Variants in ADCY9 observed in about 807,000 individuals in gnomAD.
ADCY9 encodes the protein adenylate cyclase type 9.
Under a neutral mutation model 101.5 loss-of-function variants are expected in ADCY9, and 50 were observed. That is an observed-to-expected ratio of 0.49 (90% CI 0.39 to 0.62). The LOEUF (loss-of-function observed/expected upper bound fraction) is 0.62. Among genes scored for constraint, ADCY9 ranks in the 20% least tolerant of loss-of-function variants. The probability of loss-of-function intolerance (pLI) is 0.00; values close to 1 mark genes in which losing one functional copy is unlikely to be tolerated. For missense variants in ADCY9, 1,662 were observed against 1,800.4 expected (o/e 0.92, Z 1.39); for synonymous variants, 905 against 769.3 (o/e 1.18, Z -2.92).
chr16:3,960,531 A>G (rs1233851652), downstream of ADCY9, among the ~76,000 whole-genome samples: 1 of 152,174 alleles, frequency 6.6e-6, no homozygotes, highest in Non-Finnish European at 1.5e-5. Context: ...CAAAAAAACC[A>G]AGCAACGAAA....
intron 3 of ADCY9, among the ~76,000 whole-genome samples, chr16:4,002,905 G>A (rs1454771763): frequency 1.3e-5 from 2 of 152,132 alleles, no homozygotes. Flanking sequence ...TAGTAGAGAT[G>A]GGGTTTCACC....
intron 2 of ADCY9, among the ~76,000 whole-genome samples, chr16:4,013,437 A>G (rs1235695449): frequency 6.6e-6 from 1 of 152,126 alleles, no homozygotes; most frequent in African/African-American, 2.4e-5. Flanking sequence ...AGAAAAAAAA[A>G]TTAAAAGAAA....
intron 2 of ADCY9, among the ~76,000 whole-genome samples, chr16:4,092,607 A>G (rs570220297): frequency 3.3e-5 from 5 of 152,304 alleles, no homozygotes; most frequent in African/African-American, 9.6e-5. Flanking sequence ...AACGTGTCCT[A>G]TTTAATAAGA....
At chr16:4,098,843 G>C (rs1368566009) in intron 2 of ADCY9, among the ~76,000 whole-genome samples, 18 of 152,058 alleles carry the variant, frequency 1.2e-4, no homozygotes. Flanking sequence ...CTGGGGGATG[G>C]AGTTTGCTGC....
At chr16:4,052,498 G>T (rs1175432836) in intron 2 of ADCY9, among the ~76,000 whole-genome samples, 1 of 152,200 alleles carries the variant, frequency 6.6e-6, no homozygotes, top group African/African-American at 2.4e-5. Flanking sequence ...ATGTCGGAAT[G>T]TTAATTCAGG....
rs1344439158 is a variant in ADCY9 at position 4,114,718 on chromosome 16, A to G, written c.725T>C (p.Leu242Ser). The G allele has an allele frequency of 6.2e-7, 1 of 1,613,164 alleles. No homozygotes were observed. The highest frequency in any genetic ancestry group is 1.1e-5 in the South Asian group (1 of 91,088). ...FLLYTVMHLP[L>S]YLSLCLGVAY... ...CACCCCCAGACACAAACTCAGGTACAAAGGTAAGTGCATGACGGTATAGAG... is the reference window on the plus strand; with the variant it reads ...CACCCCCAGACACAAACTCAGGTACGAAGGTAAGTGCATGACGGTATAGAG... The change falls in exon 2 of 11, where the codon TTG (leucine) becomes TCG (serine). Residue 242 changes from leucine (L) to serine (S), a missense_variant. Coordinates refer to ENST00000294016, the MANE Select transcript of ADCY9 (RefSeq NM_001116.4). The surrounding 1 kb of genome is among the most constrained non-coding windows in gnomAD (Gnocchi z 4.3).
At chr16:3,978,331 C>T (rs1233128145) in intron 8 of ADCY9, among the ~76,000 whole-genome samples, 1 of 131,384 alleles carries the variant, frequency 7.6e-6, no homozygotes, top group East Asian at 3.1e-4. Context: ...ACACCATCAG[C>T]CCGCCCGGAA....
chr16:3,963,417 C>A lies in ADCY9; in HGVS notation c.*2358G>T. The A allele has an allele frequency of 2.5e-6, 1 of 398,426 alleles. No individual in the cohort carries two copies. The allele number at this position is 398,426 out of a possible 1,614,324, so 24.7% of individuals were successfully genotyped here. A position where few individuals can be genotyped will look rare whatever the true frequency, so the allele number is the denominator to read the frequency against. ...TGTGGTTCTGCACTGAGGTATGCAT[C>A]GGAGCAGGGGACGGGGAGGACCCGA... On this transcript the variant is annotated 3_prime_UTR_variant, in exon 11 of 11. Coordinates refer to ENST00000294016, the MANE Select transcript of ADCY9 (RefSeq NM_001116.4).
exon 6 of ADCY9, chr16:3,953,413 GTTT>G (rs2055891895): frequency 6.6e-6 from 1 of 152,272 alleles, no homozygotes; most frequent in East Asian, 1.9e-4. Context: ...AGCATAAGCA[GTTT>G]TTAATTTTTT....
chr16:3,967,548 C>T (rs1215956836), intron 10 of ADCY9, among the ~76,000 whole-genome samples: 1 of 151,766 alleles, frequency 6.6e-6, no homozygotes, highest in African/African-American at 2.4e-5. Flanking sequence ...TACCACCACA[C>T]CTAGCTAATT....
chr16:4,066,746 G>GA (rs892076625), intron 2 of ADCY9, among the ~76,000 whole-genome samples: 3 of 151,442 alleles, frequency 2.0e-5, no homozygotes, highest in East Asian at 3.9e-4. Flanking sequence ...TGAGATCCAT[G>GA]AAAAAAAAGT....
At chr16:4,001,137 C>T (rs1033670678) in intron 3 of ADCY9, among the ~76,000 whole-genome samples, 7 of 152,140 alleles carry the variant, frequency 4.6e-5, no homozygotes, top group Admixed American at 1.3e-4. Context: ...CTCATGCTGG[C>T]GCGATACCGT....
intron 2 of ADCY9, among the ~76,000 whole-genome samples, chr16:4,091,682 T>C (rs531213714): frequency 1.9e-4 from 29 of 152,188 alleles, no homozygotes; most frequent in Non-Finnish European, 2.6e-4. Flanking sequence ...CTTGGAAACA[T>C]GCTGAGCGAG....
At chr16:4,047,429 T>G (rs2056672546) in intron 2 of ADCY9, among the ~76,000 whole-genome samples, 1 of 149,912 alleles carries the variant, frequency 6.7e-6, no homozygotes, top group Non-Finnish European at 1.5e-5. Flanking sequence ...GTTTCTCTAG[T>G]TAAGGGCCTG....
At chr16:4,072,836 T>C (rs189762597) in intron 2 of ADCY9, among the ~76,000 whole-genome samples, 4 of 151,550 alleles carry the variant, frequency 2.6e-5, no homozygotes, top group East Asian at 1.9e-4. Flanking sequence ...ACAGTGGGAA[T>C]TGGGAAACAT....
intron 6 of ADCY9, among the ~76,000 whole-genome samples, chr16:3,984,960 AG>A (rs577958749): frequency 2.6e-3 from 394 of 152,310 alleles, no homozygotes; most frequent in Non-Finnish European, 4.8e-3. Flanking sequence ...CAAGGCTGCC[AG>A]TCAGCCCTGA....
chr16:4,010,039 T>A (rs1308932642), intron 2 of ADCY9, among the ~76,000 whole-genome samples: 1 of 152,268 alleles, frequency 6.6e-6, no homozygotes, highest in East Asian at 1.9e-4. Flanking sequence ...GGAGGGACAT[T>A]TTTTTGATGG....
In ADCY9 at chr16:3,993,497, C is replaced by A; in HGVS notation, c.1898G>T (p.Cys633Phe). 1 of 1,614,072 alleles carries A rather than the reference C, an allele frequency of 6.2e-7. No individual in the cohort carries two copies. The highest frequency in any genetic ancestry group is 2.2e-5 in the East Asian group (1 of 44,876). ...TFDNLKTCPS[C>F]GITFAPKSEA... ...AGATTTGGGAGCAAATGTGATTCCGCACGAAGGGCAGGTCTAGAAGAAAAA... is the reference window on the plus strand; with the variant it reads ...AGATTTGGGAGCAAATGTGATTCCGAACGAAGGGCAGGTCTAGAAGAAAAA... Residue 633 changes from cysteine (C) to phenylalanine (F), a missense_variant, in exon 4 of 11, where the codon TGC becomes TTC. Cys to Phe is a radical substitution (Grantham distance 205). Coordinates refer to ENST00000294016, the MANE Select transcript of ADCY9 (RefSeq NM_001116.4).
intron 2 of ADCY9, among the ~76,000 whole-genome samples, chr16:4,064,819 C>G (rs1386960876): frequency 6.6e-6 from 1 of 151,974 alleles, no homozygotes; most frequent in Non-Finnish European, 1.5e-5. Context: ...AAAAAGAAGA[C>G]TACACAAAAG....
Sources: gnomAD v4.1 joint callset for allele counts (sites outside exome capture counted in the v4.1 genomes callset) on GRCh38, gnomAD v4.1.1 for gene constraint, Gnocchi (gnomAD v3.1) non-coding constraint, MANE v1.5 for transcripts, NCBI Gene and HGNC (gene_info 2026-07-23, HGNC 2026-07-21) for gene names.